PLXNA2: variants seen among roughly 807,000 people sequenced by gnomAD.
The protein encoded by PLXNA2 is plexin A2.
Under a neutral mutation model 193.5 loss-of-function variants are expected in PLXNA2, and 91 were observed. The observed-to-expected ratio is 0.47, with a 90% CI of 0.40 to 0.56. The LOEUF is 0.56. Among genes scored for constraint, PLXNA2 ranks in the 20% least tolerant of loss-of-function variants. The probability of loss-of-function intolerance (pLI) is 0.00; values close to 1 mark genes in which losing one functional copy is unlikely to be tolerated. For missense variants in PLXNA2, 1,995 were observed against 2,503.2 expected, an observed-to-expected ratio of 0.80 and a Z score of 4.33; for synonymous variants, 997 against 1,027.3, an observed-to-expected ratio of 0.97 and a Z score of 0.56.
intron 4 of PLXNA2, among the ~76,000 whole-genome samples, chr1:208,112,539 A>G (rs749720387): frequency 1.3e-4 from 20 of 152,204 alleles, no homozygotes; most frequent in Non-Finnish European, 2.2e-4. Context: ...GGTAGTTACC[A>G]TGCTCAGTGT....
At chr1:208,045,530 C>T (rs547244525) in intron 18 of PLXNA2, among the ~76,000 whole-genome samples, 1 of 152,258 alleles carries the variant, frequency 6.6e-6, no homozygotes, top group Admixed American at 6.5e-5. Context: ...CTTGGATGGA[C>T]AGTGCCAGGG....
chr1:208,142,216 G>A (rs1308654227), intron 4 of PLXNA2, 113 bp downstream of exon 4: 6 of 1,218,610 alleles, frequency 4.9e-6, no homozygotes, highest in African/African-American at 3.0e-5. Context: ...CAAGACCCCT[G>A]TGCTGCAAGC....
intron 3 of PLXNA2, among the ~76,000 whole-genome samples, chr1:208,176,282 G>A (rs546268710): frequency 3.3e-5 from 5 of 152,216 alleles, no homozygotes; most frequent in South Asian, 2.1e-4. Context: ...TCATTTCCAC[G>A]GGCATGGGTA....
At chr1:208,084,200 G>A (rs1472679003) in intron 10 of PLXNA2, among the ~76,000 whole-genome samples, 180 bp downstream of exon 10, 1 of 152,230 alleles carries the variant, frequency 6.6e-6, no homozygotes, top group African/African-American at 2.4e-5. Flanking sequence ...TCTGGCACCA[G>A]TCACCTGCCC....
chr1:208,239,826 T>C (rs1024086896), intron 1 of PLXNA2, among the ~76,000 whole-genome samples: 3 of 152,086 alleles, frequency 2.0e-5, no homozygotes, highest in Admixed American at 6.5e-5. Context: ...CAACTGGCAG[T>C]GCGTGGGAAG....
At chr1:208,216,128 C>G (rs12071164) in intron 2 of PLXNA2, among the ~76,000 whole-genome samples, 1,746 of 152,310 alleles carry the variant, frequency 0.011, 39 homozygotes, top group African/African-American at 0.04. Context: ...CTCTCACATA[C>G]TCTGATCTGG....
chr1:208,162,905 A>T (rs756169996), intron 3 of PLXNA2, among the ~76,000 whole-genome samples: 6 of 152,234 alleles, frequency 3.9e-5, no homozygotes, highest in Non-Finnish European at 8.8e-5. Flanking sequence ...CAAGCAACTC[A>T]CATACAAGGC....
intron 3 of PLXNA2, among the ~76,000 whole-genome samples, chr1:208,174,090 A>G (rs1669582741): frequency 6.6e-6 from 1 of 152,162 alleles, no homozygotes; most frequent in African/African-American, 2.4e-5. Flanking sequence ...CCCCTCTGAG[A>G]AGGGTATTTG....
At chr1:208,117,153 A>C (rs1667661101) in intron 4 of PLXNA2, among the ~76,000 whole-genome samples, 1 of 152,198 alleles carries the variant, frequency 6.6e-6, no homozygotes, top group East Asian at 1.9e-4. Flanking sequence ...CCTGGATGAC[A>C]GAGCAAGACT....
In PLXNA2 at chr1:208,031,698, C is replaced by T. The variant is rs2102300535; in HGVS notation, c.5117G>A (p.Gly1706Asp). Residue 1706 changes from glycine (G) to aspartate (D), a missense_variant, in exon 29 of 32, where the codon GGC becomes GAC. By Grantham distance (94) the Gly-to-Asp change is moderately conservative (BLOSUM62 -1). Around this residue, in one of 3 missense-constraint regions of PLXNA2, gnomAD observed 1,291 missense variants for 1,673.6 expected, o/e 0.77. Transcript: ENST00000367033. ...FETLFSTVHR[G>D]SALPLAIKYM... ...CTTGATGGCCAGGGGGAGAGCGCTGCCCCGGTGCACAGTGCTGAACAAGGT... is the reference window on the plus strand; with the variant it reads ...CTTGATGGCCAGGGGGAGAGCGCTGTCCCGGTGCACAGTGCTGAACAAGGT... 1 of 1,613,346 alleles carries T rather than the reference C, an allele frequency of 6.2e-7. No individual in the cohort carries two copies. The highest frequency in any genetic ancestry group is 8.5e-7 in the Non-Finnish European group (1 of 1,179,870).
rs756211780 is a variant in PLXNA2, at chr1:208,084,556, C to A, written c.2122G>T (p.Glu708Ter). The change falls in exon 10 of 32, where the codon GAG becomes TAG. Residue 708 changes from glutamate to a stop codon, truncating the protein, a stop_gained. Coordinates refer to ENST00000367033, the MANE Select transcript of PLXNA2 (RefSeq NM_025179.4). LOFTEE classifies it high-confidence loss of function. ...TCCCCGACTGGAATCAAGATCTCCT[C>A]TGTGGGCACCAGCTGGGGACAGTCC... is the stretch of plus-strand genomic sequence containing the variant. ...SEDCPQLVPT[E>*]EILIPVGEVK... 1 of 1,614,236 alleles carries A rather than the reference C, an allele frequency of 6.2e-7. No individual in the cohort carries two copies. The highest frequency in any genetic ancestry group is 1.6e-4 in the Middle Eastern group (1 of 6,062).
Position 208,098,829 on chromosome 1 carries a change from CT to C in PLXNA2, c.1731+16del, listed in dbSNP as rs761509833. ...CACTGTATTCCCTCTCCCCATGCCC[CT>C]GGATGAGTTACTTACCAACCGGCTG... On this transcript the variant is annotated intron_variant, in intron 6 of 31. Coordinates refer to ENST00000367033, the MANE Select transcript of PLXNA2 (RefSeq NM_025179.4). The C allele has an allele frequency of 6.2e-7, 1 of 1,612,734 alleles. No individual in the cohort carries two copies. The highest frequency in any genetic ancestry group is 1.3e-5 in the African/African-American group (1 of 75,040).
At chr1:208,155,721 C>T (rs76687475) in intron 3 of PLXNA2, among the ~76,000 whole-genome samples, 2,505 of 152,176 alleles carry the variant, frequency 0.016, 76 homozygotes, top group African/African-American at 0.057. Flanking sequence ...TGGACTTGTC[C>T]CACCCTCCCT....
chr1:208,166,009 C>T (rs1005624908), intron 3 of PLXNA2, among the ~76,000 whole-genome samples: 3 of 152,168 alleles, frequency 2.0e-5, no homozygotes, highest in South Asian at 2.1e-4. Flanking sequence ...ACTTCCCATG[C>T]GTAGGCCTCA....
Position 208,044,856 on chromosome 1 carries a change from C to T in PLXNA2, c.3640-114G>A. 1.0e-6 allele frequency: 1 copy of T among 995,680 alleles called. No homozygotes were observed. Among genetic ancestry groups the T allele is most frequent in the Non-Finnish European group, 1.5e-6 (1 of 663,382 alleles). 61.7% of individuals were successfully genotyped at this position (995,680 alleles called of 1,614,324 possible). A position where few individuals can be genotyped will look rare whatever the true frequency, so the allele number is the denominator to read the frequency against. On this transcript the variant is annotated intron_variant, in intron 19 of 31. Coordinates refer to ENST00000367033, the MANE Select transcript of PLXNA2 (RefSeq NM_025179.4). The surrounding 1 kb of genome is among the most constrained non-coding windows in gnomAD (Gnocchi z 4.9). ...CATGACAGACCACAACCACACAGTG[C>T]AGCTCTAGATAAAAAGCAATTTCCT...
chr1:208,064,016 C>A (rs992470255), intron 12 of PLXNA2, among the ~76,000 whole-genome samples: 1 of 152,146 alleles, frequency 6.6e-6, no homozygotes, highest in South Asian at 2.1e-4. Flanking sequence ...CTCCTCCCAC[C>A]CCCAAGCCAA....
At chr1:208,123,390 CTT>C (rs1235300266) in intron 4 of PLXNA2, among the ~76,000 whole-genome samples, 1 of 152,212 alleles carries the variant, frequency 6.6e-6, no homozygotes, top group Non-Finnish European at 1.5e-5. Flanking sequence ...AATATACACA[CTT>C]AAGATATCAG....
At chr1:208,214,124 G>A (rs1671050097) in intron 2 of PLXNA2, among the ~76,000 whole-genome samples, 2 of 146,164 alleles carry the variant, frequency 1.4e-5, no homozygotes, top group African/African-American at 2.5e-5. Flanking sequence ...AAATTTTGGC[G>A]TTAAAAAAAA....
intron 31 of PLXNA2, 53 bp from the exon 32 acceptor site, chr1:208,027,391 C>T (rs985049608): frequency 1.3e-6 from 2 of 1,485,436 alleles, no homozygotes; most frequent in East Asian, 2.3e-5. Context: ...ATAGAAGACA[C>T]CATTTTCTGG....
Sources: gnomAD v4.1 joint callset for allele counts (sites outside exome capture counted in the v4.1 genomes callset) on GRCh38, gnomAD v4.1.1 for gene constraint, gnomAD v4.1.1 regional missense constraint, Gnocchi (gnomAD v3.1) non-coding constraint, MANE v1.5 for transcripts, NCBI Gene and HGNC (gene_info 2026-07-23, HGNC 2026-07-21) for gene names.